Variants in PTPRK observed in about 807,000 individuals in gnomAD.
PTPRK encodes the protein protein tyrosine phosphatase receptor type K, also known as receptor-type tyrosine-protein phosphatase kappa.
In PTPRK, 75 loss-of-function variants were observed where a neutral mutation model predicts 178.0. The observed-to-expected ratio is 0.42, with a 90% confidence interval of 0.35 to 0.51. The LOEUF (loss-of-function observed/expected upper bound fraction) is 0.51. PTPRK is among the 20% of genes least tolerant of loss of function. The pLI is 0.02. For synonymous variants in PTPRK, 637 were observed against 620.6 expected, an observed-to-expected ratio of 1.03 and a Z score of -0.39; for missense variants, 1,441 against 1,797.8, an observed-to-expected ratio of 0.80 and a Z score of 3.59.
chr6:128,326,355 C>G (rs1343700952), intron 2 of PTPRK, among the ~76,000 whole-genome samples: 1 of 152,014 alleles, frequency 6.6e-6, no homozygotes, highest in Non-Finnish European at 1.5e-5. Context: ...TCCATGTCTA[C>G]AAATGTATAC....
intron 3 of PTPRK, among the ~76,000 whole-genome samples, chr6:128,246,821 T>C (rs1386735312): frequency 6.6e-6 from 1 of 152,216 alleles, no homozygotes; most frequent in Non-Finnish European, 1.5e-5. Context: ...CCATTTTTAC[T>C]CCACTCCATT....
At chr6:127,982,707 G>A (rs1047625937) in intron 24 of PTPRK, 124 bp downstream of exon 24, 22 of 727,098 alleles carry the variant, frequency 3.0e-5, no homozygotes, top group South Asian at 1.4e-4. Flanking sequence ...AAAGAGATAC[G>A]TATTGTATTT....
chr6:128,281,441 C>A (rs1023030366), intron 3 of PTPRK, among the ~76,000 whole-genome samples: 1 of 152,136 alleles, frequency 6.6e-6, no homozygotes, highest in African/African-American at 2.4e-5. Context: ...GTGAAAGGGG[C>A]AAAGGCTGAA....
rs577786524 is a variant in PTPRK at position 128,069,142 on chromosome 6, A to G, written c.1884-1350T>C. On this transcript the variant is annotated intron_variant, in intron 11 of 29. Coordinates refer to ENST00000368226, the MANE Select transcript of PTPRK (RefSeq NM_002844.4). ...AAAGAAAGAGTTAAATCATAATTTA[A>G]TTGATAAATTACAGATTTTCTTTTC... Among the ~76,000 whole-genome samples the G allele has an allele frequency of 3.9e-5, 6 of 152,008 alleles. No individual in the cohort carries two copies. The South Asian group carries it at 1.0e-3, about 26-fold the overall frequency.
intron 11 of PTPRK, among the ~76,000 whole-genome samples, chr6:128,077,764 C>A (rs1231234536): frequency 6.6e-6 from 1 of 151,948 alleles, no homozygotes; most frequent in East Asian, 1.9e-4. Flanking sequence ...CATCTGATTA[C>A]AAATGTGCAG....
intron 5 of PTPRK, among the ~76,000 whole-genome samples, chr6:128,221,027 A>G (rs962578170): frequency 6.6e-6 from 1 of 152,202 alleles, no homozygotes; most frequent in African/African-American, 2.4e-5. Flanking sequence ...ACTGATTAGT[A>G]CTACATGTAT....
At chr6:128,410,117 C>A (rs957152099) in intron 1 of PTPRK, among the ~76,000 whole-genome samples, 3 of 152,174 alleles carry the variant, frequency 2.0e-5, no homozygotes, top group African/African-American at 7.2e-5. Flanking sequence ...TGGAGGAAGT[C>A]AGGCTGGAGG....
intron 1 of PTPRK, among the ~76,000 whole-genome samples, chr6:128,464,657 A>ATATATATG (rs1849601245): frequency 8.6e-6 from 1 of 116,216 alleles, no homozygotes; most frequent in African/African-American, 3.2e-5. Flanking sequence ...ATATATATAT[A>ATATATATG]TATATATATA....
intron 3 of PTPRK, among the ~76,000 whole-genome samples, chr6:128,258,876 G>C (rs544368092): frequency 6.6e-6 from 1 of 152,312 alleles, no homozygotes; most frequent in Non-Finnish European, 1.5e-5. Context: ...AGCTGAATGA[G>C]GGAGGCAGAG....
intron 1 of PTPRK, among the ~76,000 whole-genome samples, chr6:128,446,493 G>A (rs1321770177): frequency 6.6e-6 from 1 of 152,110 alleles, no homozygotes; most frequent in Non-Finnish European, 1.5e-5. Flanking sequence ...GGCATGCTAT[G>A]GAAAGCATTC....
chr6:128,067,092 A>T (rs938929848), intron 12 of PTPRK, among the ~76,000 whole-genome samples: 23 of 152,158 alleles, frequency 1.5e-4, no homozygotes, highest in African/African-American at 5.3e-4. Flanking sequence ...AAAAGTTTAT[A>T]AGGTTTTATT....
At chr6:128,410,304 C>T (rs980357561) in intron 1 of PTPRK, among the ~76,000 whole-genome samples, 1 of 152,174 alleles carries the variant, frequency 6.6e-6, no homozygotes, top group East Asian at 1.9e-4. Flanking sequence ...CTCCCTGCTG[C>T]GATCAGCTCA....
intron 1 of PTPRK, among the ~76,000 whole-genome samples, chr6:128,491,242 G>A (rs1295156933): frequency 3.3e-5 from 5 of 152,194 alleles, no homozygotes; most frequent in African/African-American, 4.8e-5. Context: ...GATGAAAACA[G>A]ACATTTGCAG....
intron 1 of PTPRK, among the ~76,000 whole-genome samples, chr6:128,482,929 T>C (rs1460045573): frequency 6.6e-6 from 1 of 152,206 alleles, no homozygotes; most frequent in African/African-American, 2.4e-5. Flanking sequence ...GGTGGTATCC[T>C]GCTCATAAAA....
At chr6:128,380,724 G>A (rs1363949711) in intron 2 of PTPRK, among the ~76,000 whole-genome samples, 1 of 152,096 alleles carries the variant, frequency 6.6e-6, no homozygotes, top group Non-Finnish European at 1.5e-5. Flanking sequence ...AGAGCAGAGA[G>A]AATTTATCCT....
intron 6 of PTPRK, among the ~76,000 whole-genome samples, chr6:128,187,408 A>T (rs1802962568): frequency 6.6e-6 from 1 of 152,164 alleles, no homozygotes; most frequent in Admixed American, 6.6e-5. Flanking sequence ...ACACATTAAT[A>T]GCTGTGTAAT....
chr6:128,000,150 G>C (rs906969269), intron 15 of PTPRK: 4 of 988,746 alleles, frequency 4.0e-6, no homozygotes, highest in African/African-American at 1.8e-5. Context: ...ATTAACAGAA[G>C]AGAAAATACA....
intron 7 of PTPRK, among the ~76,000 whole-genome samples, chr6:128,178,552 C>T (rs1483991896): frequency 6.6e-6 from 1 of 151,716 alleles, no homozygotes; most frequent in Non-Finnish European, 1.5e-5. Context: ...TTTAAAATCC[C>T]CTTATAAAAG....
chr6:128,222,298 T>C (rs1452705183), intron 5 of PTPRK, among the ~76,000 whole-genome samples: 1 of 152,102 alleles, frequency 6.6e-6, no homozygotes, highest in Non-Finnish European at 1.5e-5. Flanking sequence ...CAAAGGAGGG[T>C]ACATTTTATG....
Sources: gnomAD v4.1 joint callset for allele counts (sites outside exome capture counted in the v4.1 genomes callset) on GRCh38, gnomAD v4.1.1 for gene constraint, MANE v1.5 for transcripts, NCBI Gene and HGNC (gene_info 2026-07-23, HGNC 2026-07-21) for gene names.